MAST4: variants seen among roughly 807,000 people sequenced by gnomAD.
MAST4 encodes microtubule-associated serine/threonine-protein kinase 4.
A neutral mutation model predicts 162.7 loss-of-function variants in MAST4; 89 were observed. That is an observed-to-expected ratio of 0.55 (90% confidence interval 0.46 to 0.65). The LOEUF (loss-of-function observed/expected upper bound fraction) is 0.65. Ranked by LOEUF, MAST4 falls within the 30% of genes least tolerant of loss-of-function variation. The pLI is 0.00. For synonymous variants in MAST4, 1,479 were observed against 1,361.1 expected (o/e 1.09, Z -1.91); for missense variants, 3,153 against 3,374.0 (o/e 0.93, Z 1.62).
At chr5:66,832,265 A>G (rs1757658686) in intron 3 of MAST4, among the ~76,000 whole-genome samples, 1 of 152,154 alleles carries the variant, frequency 6.6e-6, no homozygotes. Context: ...TGCAGCTAGA[A>G]TGTGAAAAAA....
At chr5:66,743,590 C>T (rs1431752072) in intron 1 of MAST4, among the ~76,000 whole-genome samples, 1 of 152,132 alleles carries the variant, frequency 6.6e-6, no homozygotes, top group Non-Finnish European at 1.5e-5. Flanking sequence ...CAGGAGTTAT[C>T]AGTGCAGGAC....
intron 3 of MAST4, among the ~76,000 whole-genome samples, chr5:66,879,564 A>G (rs930010898): frequency 2.0e-5 from 3 of 152,136 alleles, no homozygotes; most frequent in Middle Eastern, 3.2e-3. Context: ...CTAGAGTGCA[A>G]TGGTGCCATC....
chr5:66,919,994 C>T (rs1331197330), intron 4 of MAST4, among the ~76,000 whole-genome samples: 5 of 147,538 alleles, frequency 3.4e-5, no homozygotes, highest in African/African-American at 1.3e-4. Flanking sequence ...CTCTCTCTCT[C>T]TCTCTTTCTA....
At chr5:66,642,854 G>C (rs1322985372) in intron 1 of MAST4, among the ~76,000 whole-genome samples, 1 of 152,122 alleles carries the variant, frequency 6.6e-6, no homozygotes, top group African/African-American at 2.4e-5. Context: ...TGGGAGTTTA[G>C]GATGGGCGTG....
At chr5:67,049,044 T>TATATATATATATATAC (rs1561576573) in intron 4 of MAST4, among the ~76,000 whole-genome samples, 1 of 99,174 alleles carries the variant, frequency 1.0e-5, no homozygotes, top group African/African-American at 6.1e-5. Context: ...TATATATACG[T>TATATATATATATATAC]GTATATATAT....
At chr5:66,791,087 A>G (rs879474541) in intron 3 of MAST4, among the ~76,000 whole-genome samples, 1 of 152,104 alleles carries the variant, frequency 6.6e-6, no homozygotes, top group Non-Finnish European at 1.5e-5. Flanking sequence ...GCAGTAGCAC[A>G]GTCTTGGCTC....
At chr5:67,053,206 CAA>C (rs1758391951) in intron 4 of MAST4, among the ~76,000 whole-genome samples, 2 of 152,166 alleles carry the variant, frequency 1.3e-5, no homozygotes, top group Non-Finnish European at 2.9e-5. Context: ...GGACTGTTGA[CAA>C]ATGATAATAA....
chr5:66,963,790 A>G (rs1397250430), intron 4 of MAST4: 1 of 779,728 alleles, frequency 1.3e-6, no homozygotes, highest in African/African-American at 1.7e-5. Flanking sequence ...TTTTGGAGGT[A>G]AGCATGCTCC....
intron 1 of MAST4, among the ~76,000 whole-genome samples, chr5:66,701,473 C>T (rs895999691): frequency 4.6e-5 from 7 of 152,150 alleles, no homozygotes; most frequent in Non-Finnish European, 8.8e-5. Context: ...ATCTGTATTT[C>T]AAGCCCAGGT....
At chr5:66,730,593 G>A (rs552363922) in intron 1 of MAST4, among the ~76,000 whole-genome samples, 1 of 152,316 alleles carries the variant, frequency 6.6e-6, no homozygotes, top group South Asian at 2.1e-4. Flanking sequence ...AATTTAAACA[G>A]ATTCTGAACA....
At chr5:66,951,182 A>G (rs1744637536) in intron 4 of MAST4, among the ~76,000 whole-genome samples, 1 of 152,228 alleles carries the variant, frequency 6.6e-6, no homozygotes, top group Admixed American at 6.5e-5. Context: ...TAAATCGAAG[A>G]CATTATTTGA....
At chr5:66,750,140 C>T (rs1753043872) in intron 1 of MAST4, among the ~76,000 whole-genome samples, 1 of 152,070 alleles carries the variant, frequency 6.6e-6, no homozygotes, top group African/African-American at 2.4e-5. Context: ...ATGAATCAGT[C>T]TCTTCTCTTT....
chr5:66,702,655 C>G (rs1044036249), intron 1 of MAST4, among the ~76,000 whole-genome samples: 2 of 152,042 alleles, frequency 1.3e-5, no homozygotes, highest in Admixed American at 6.5e-5. Context: ...TGAGGCAGGA[C>G]TGTGTTTGAA....
At chr5:66,615,179 G>A (rs1015184252) in intron 1 of MAST4, among the ~76,000 whole-genome samples, 3 of 152,142 alleles carry the variant, frequency 2.0e-5, no homozygotes, top group Middle Eastern at 3.2e-3. Flanking sequence ...GAGAGAAAGT[G>A]AGTAGATTTC....
intron 1 of MAST4, among the ~76,000 whole-genome samples, chr5:66,632,929 ACT>A (rs1744880494): frequency 6.6e-6 from 1 of 152,162 alleles, no homozygotes; most frequent in Non-Finnish European, 1.5e-5. Flanking sequence ...TAATATACAC[ACT>A]CATGTAAATT....
At chr5:66,952,277 T>C (rs1011963453) in intron 4 of MAST4, among the ~76,000 whole-genome samples, 6 of 152,102 alleles carry the variant, frequency 3.9e-5, no homozygotes, top group African/African-American at 1.4e-4. Context: ...GCCAAAGTCA[T>C]GTCTTAGTAA....
intron 1 of MAST4, among the ~76,000 whole-genome samples, chr5:66,664,034 G>T (rs971953977): frequency 4.6e-5 from 7 of 152,150 alleles, no homozygotes; most frequent in African/African-American, 1.7e-4. Flanking sequence ...TGATGGACTG[G>T]ATGTGTAGGG....
intron 4 of MAST4, among the ~76,000 whole-genome samples, chr5:67,006,562 C>T (rs1017957737): frequency 1.3e-5 from 2 of 152,238 alleles, no homozygotes; most frequent in Admixed American, 1.3e-4. Context: ...GTAGTCCTGG[C>T]TGCGGTACAG....
At chr5:67,052,840 T>G (rs1447468391) in intron 4 of MAST4, among the ~76,000 whole-genome samples, 5 of 152,168 alleles carry the variant, frequency 3.3e-5, no homozygotes, top group African/African-American at 9.6e-5. Flanking sequence ...CATTTATAAT[T>G]TCTTCTATTA....
Sources: allele counts gnomAD v4.1 joint callset (sites outside exome capture counted in the v4.1 genomes callset), GRCh38; gene constraint gnomAD v4.1.1; transcripts MANE v1.5; gene names NCBI Gene and HGNC (gene_info 2026-07-23, HGNC 2026-07-21).